The following CCDC93 variants were observed in gnomAD, a reference collection of about 807,000 sequenced individuals.
The protein encoded by CCDC93 is CCC complex scaffolding subunit CCDC93.
In CCDC93, 61 loss-of-function variants were observed where a neutral mutation model predicts 108.2. That is an observed-to-expected ratio of 0.56 (90% confidence interval 0.46 to 0.70). The LOEUF is 0.70. Among genes scored for constraint, CCDC93 ranks in the 30% least tolerant of loss-of-function variants. The probability of loss-of-function intolerance (pLI) is 0.00; values close to 1 mark genes in which losing one functional copy is unlikely to be tolerated. For synonymous variants in CCDC93, 276 were observed against 260.4 expected (o/e 1.06, Z -0.58); for missense variants, 685 against 764.2 (o/e 0.90, Z 1.22).
intron 19 of CCDC93, among the ~76,000 whole-genome samples, chr2:117,939,511 GTGTGAAATTTGTTC>G (rs1415951230): frequency 1.3e-5 from 2 of 152,186 alleles, no homozygotes; most frequent in African/African-American, 4.8e-5. Context: ...ATTTTAACCT[GTGTGAAATTTGTTC>G]TGTGAAATAA....
At chr2:117,981,257 T>C (rs1441885506) in intron 7 of CCDC93, among the ~76,000 whole-genome samples, 1 of 152,198 alleles carries the variant, frequency 6.6e-6, no homozygotes, top group Admixed American at 6.5e-5. Flanking sequence ...GCCTGGCACA[T>C]AGTAGGTGCT....
At position 117,952,087 on chromosome 2, in the gene CCDC93, C is replaced by T. The variant is rs1036628115; in HGVS notation, c.1068+286G>A. The stretch of plus-strand genomic sequence containing the variant: ...GAGTTCTTCTCTGTGCCCCACCCAG[C>T]CTATCAGGCTCACCTTCCCAGGAAG... On this transcript the variant is annotated intron_variant, in intron 13 of 23. Coordinates refer to ENST00000376300, the MANE Select transcript of CCDC93 (RefSeq NM_019044.5). Among the ~76,000 whole-genome samples the T allele has an allele frequency of 5.3e-5, 8 of 152,196 alleles. No homozygotes were observed. In the East Asian group the frequency reaches 1.5e-3, roughly 29 times the overall value.
chr2:117,949,666 G>A (rs973138811), intron 13 of CCDC93: 1 of 765,710 alleles, frequency 1.3e-6, no homozygotes. Flanking sequence ...TGTACTTTTT[G>A]AATTTTGTAC....
chr2:117,981,677 CAT>C (rs1422730092), intron 7 of CCDC93, among the ~76,000 whole-genome samples: 4 of 152,224 alleles, frequency 2.6e-5, no homozygotes, highest in Non-Finnish European at 5.9e-5. Flanking sequence ...TTAGTAGGTT[CAT>C]ATGACCAAGT....
chr2:117,982,757 G>GT (rs1491318410), intron 7 of CCDC93, among the ~76,000 whole-genome samples: 2 of 3,492 alleles, frequency 5.7e-4, no homozygotes, highest in Non-Finnish European at 1.1e-3. Flanking sequence ...TAGTGTAGTG[G>GT]GGGGGGGGGT....
At chr2:117,980,520 G>C (rs2104791798) in intron 7 of CCDC93, among the ~76,000 whole-genome samples, 1 of 152,156 alleles carries the variant, frequency 6.6e-6, no homozygotes, top group African/African-American at 2.4e-5. Context: ...TAAAGACAGA[G>C]GCTCTGGGAA....
At chr2:117,973,023 G>C (rs1679813161) in intron 11 of CCDC93, among the ~76,000 whole-genome samples, 1 of 152,118 alleles carries the variant, frequency 6.6e-6, no homozygotes, top group South Asian at 2.1e-4. Context: ...CTCCCTCCCA[G>C]AGGTTCCCAC....
intron 18 of CCDC93, 59 bp from the exon 19 acceptor site, chr2:117,941,356 T>C (rs72836302): frequency 0.019 from 26,944 of 1,388,388 alleles, 347 homozygotes; most frequent in Non-Finnish European, 0.023. Flanking sequence ...ACATGTTCTC[T>C]AGGGAGCCAA....
chr2:117,921,249 C>A (rs555332142), intron 23 of CCDC93, among the ~76,000 whole-genome samples: 1 of 151,636 alleles, frequency 6.6e-6, no homozygotes, highest in African/African-American at 2.4e-5. Context: ...GCACGTGCTA[C>A]GGGTTATCAC....
At chr2:117,929,225 C>T (rs887497198) in intron 23 of CCDC93, among the ~76,000 whole-genome samples, 1 of 152,104 alleles carries the variant, frequency 6.6e-6, no homozygotes, top group South Asian at 2.1e-4. Context: ...CTAACCTGCA[C>T]GTTGTGCACA....
At position 117,974,907 on chromosome 2, in the gene CCDC93, G is replaced by C; in HGVS notation, c.751-7C>G. 2 of 1,560,412 alleles carry C rather than the reference G, an allele frequency of 1.3e-6. No individual in the cohort carries two copies. ...TCAGCGACTGAATACGCTGCTGAAA[G>C]AGGAATGGAAGGGAGCAGCAGTGAG... On this transcript the variant is annotated splice_polypyrimidine_tract_variant and splice_region_variant and intron_variant, in intron 9 of 23. Coordinates refer to ENST00000376300, the MANE Select transcript of CCDC93 (RefSeq NM_019044.5).
rs1188628187 is a variant in CCDC93 at position 117,920,401 on chromosome 2, A to G, written c.1843-5T>C. 2 of 1,610,850 alleles carry G rather than the reference A, an allele frequency of 1.2e-6. No homozygotes were observed. The highest frequency in any genetic ancestry group is 1.1e-5 in the South Asian group (1 of 90,810). On this transcript the variant is annotated splice_polypyrimidine_tract_variant and splice_region_variant and intron_variant, in intron 23 of 23. Transcript: ENST00000376300. ...CATCTCGTTCTTGCGGCCCTCCTGG[A>G]GGGAAAGCAGAGAGTATAGAGAGAG...
intron 12 of CCDC93, among the ~76,000 whole-genome samples, chr2:117,954,748 A>G (rs1449147270): frequency 1.3e-5 from 2 of 152,106 alleles, no homozygotes; most frequent in African/African-American, 4.8e-5. Context: ...CTCATCTTGA[A>G]TTGTGGTTCC....
rs750303114 is a variant in CCDC93 at position 117,944,036 on chromosome 2, T to C, written c.1401A>G (p.Ile467Met). Residue 467 changes from isoleucine (I) to methionine (M), a missense_variant, in exon 18 of 24, where the codon ATA becomes ATG. Transcript: ENST00000376300. Reference sequence around the variant, plus strand: ...TTCTTTTACTCACCTGTAGTAAACGTATCTTGTAAAGTTTCTCTTTCTCCA... The same window carrying C: ...TTCTTTTACTCACCTGTAGTAAACGCATCTTGTAAAGTTTCTCTTTCTCCA... ...YNMEKEKLYK[I>M]RLLQARRNRE... 3 of 1,605,104 alleles carry C rather than the reference T, an allele frequency of 1.9e-6. No homozygotes were observed. Among genetic ancestry groups the C allele is most frequent in the Non-Finnish European group, 2.6e-6 (3 of 1,176,334 alleles).
chr2:117,958,726 T>G (rs537150681), intron 11 of CCDC93, among the ~76,000 whole-genome samples: 1 of 152,320 alleles, frequency 6.6e-6, no homozygotes, highest in Admixed American at 6.5e-5. Context: ...TACAGGGACA[T>G]AACTGTGGTT....
intron 6 of CCDC93, among the ~76,000 whole-genome samples, chr2:117,994,174 G>A (rs538261435): frequency 1.5e-4 from 23 of 151,616 alleles, no homozygotes; most frequent in Non-Finnish European, 3.1e-4. Context: ...ATTAAAAGCG[G>A]TTGCTTCCGT....
chr2:117,959,204 T>C (rs1023425221), intron 11 of CCDC93, among the ~76,000 whole-genome samples: 1 of 152,136 alleles, frequency 6.6e-6, no homozygotes, highest in Non-Finnish European at 1.5e-5. Flanking sequence ...CACAAAGAAG[T>C]AAGCAGCTTA....
chr2:118,013,275 T>C (rs891637451), intron 1 of CCDC93, among the ~76,000 whole-genome samples: 4 of 152,236 alleles, frequency 2.6e-5, no homozygotes, highest in African/African-American at 9.6e-5. Flanking sequence ...CGCCCTCTTC[T>C]GGAGAAGCCG....
At chr2:117,996,504 G>A in intron 4 of CCDC93, 142 bp from the exon 5 acceptor site, 1 of 586,896 alleles carries the variant, frequency 1.7e-6, no homozygotes, top group Non-Finnish European at 3.1e-6. Flanking sequence ...AACACATGCT[G>A]TTCTATAGGA....
Sources: gnomAD v4.1 joint callset for allele counts (sites outside exome capture counted in the v4.1 genomes callset) on GRCh38, gnomAD v4.1.1 for gene constraint, MANE v1.5 for transcripts, NCBI Gene and HGNC (gene_info 2026-07-23, HGNC 2026-07-21) for gene names.